Variants in TANK observed in about 807,000 individuals in gnomAD.
The protein encoded by TANK is TRAF family member associated NFKB activator.
TANK carries 15 observed loss-of-function variants against 43.6 expected under a neutral mutation model. The observed-to-expected ratio is 0.34, with a 90% CI of 0.23 to 0.53. The LOEUF (loss-of-function observed/expected upper bound fraction) is 0.53. TANK is among the 20% of genes least tolerant of loss of function. The pLI is 0.94. For missense variants in TANK, 417 were observed against 498.6 expected, an observed-to-expected ratio of 0.84 and a Z score of 1.56; for synonymous variants, 162 against 178.2, an observed-to-expected ratio of 0.91 and a Z score of 0.73.
At chr2:161,207,731 G>A (rs1038720206) in intron 4 of TANK, 2 of 985,084 alleles carry the variant, frequency 2.0e-6, no homozygotes, top group Admixed American at 6.2e-5. Context: ...GCTAATACAG[G>A]TGAAACCTTT....
Position 161,235,331 on chromosome 2 carries a change from G to A in TANK, c.1102-11G>A. 2 of 1,574,584 alleles carry A rather than the reference G, an allele frequency of 1.3e-6. No individual in the cohort carries two copies. Among genetic ancestry groups the A allele is most frequent in the Non-Finnish European group, 1.7e-6 (2 of 1,162,518 alleles). ...ACATAAGTAACAGATATTTTTGTTT[G>A]TTTCCTGCAGCCCATTTGGAAGCCC... On this transcript the variant is annotated splice_polypyrimidine_tract_variant and intron_variant, in intron 7 of 7. Coordinates refer to ENST00000392749, the MANE Select transcript of TANK (RefSeq NM_001199135.3).
chr2:161,202,187 T>C (rs934920049), intron 2 of TANK, among the ~76,000 whole-genome samples: 10 of 139,584 alleles, frequency 7.2e-5, no homozygotes, highest in African/African-American at 1.9e-4. Flanking sequence ...AATTTCTTTT[T>C]TTTTTTTTTT....
At chr2:161,152,964 T>A (rs963835142) in intron 1 of TANK, among the ~76,000 whole-genome samples, 1 of 152,106 alleles carries the variant, frequency 6.6e-6, no homozygotes, top group Non-Finnish European at 1.5e-5. Context: ...AATTGGGAAG[T>A]TTTCAGCCAT....
intron 1 of TANK, among the ~76,000 whole-genome samples, chr2:161,170,751 G>A (rs1414733349): frequency 6.6e-6 from 1 of 152,166 alleles, no homozygotes; most frequent in East Asian, 1.9e-4. Flanking sequence ...CCAAGATTCT[G>A]AATTGGGAGA....
At chr2:161,153,460 G>A (rs891387232) in intron 1 of TANK, among the ~76,000 whole-genome samples, 3 of 152,030 alleles carry the variant, frequency 2.0e-5, no homozygotes, top group Non-Finnish European at 4.4e-5. Context: ...AGCAGAGGCA[G>A]ATGGATCTCT....
At chr2:161,141,293 C>A (rs957982630) in intron 1 of TANK, among the ~76,000 whole-genome samples, 18 of 152,256 alleles carry the variant, frequency 1.2e-4, no homozygotes, top group Admixed American at 1.1e-3. Flanking sequence ...CTGAATGTTT[C>A]ATATAAGTGA....
intron 2 of TANK, chr2:161,201,431 A>C: frequency 3.6e-6 from 1 of 276,010 alleles, no homozygotes; most frequent in Non-Finnish European, 5.5e-6. Flanking sequence ...TAAGGTGGGA[A>C]AAAAAGACAT....
chr2:161,188,176 AAAG>A (rs1685750167), intron 2 of TANK, among the ~76,000 whole-genome samples: 1 of 152,152 alleles, frequency 6.6e-6, no homozygotes, highest in Admixed American at 6.5e-5. Context: ...AAACTAGCAT[AAAG>A]AAGAAAATAA....
intron 2 of TANK, among the ~76,000 whole-genome samples, chr2:161,184,267 C>T (rs1429693237): frequency 6.6e-6 from 1 of 152,028 alleles, no homozygotes; most frequent in African/African-American, 2.4e-5. Context: ...GAACAGTCTT[C>T]CTGACAGTGG....
chr2:161,230,264 T>G (rs1184877962), intron 6 of TANK, among the ~76,000 whole-genome samples: 2 of 152,222 alleles, frequency 1.3e-5, no homozygotes, highest in Non-Finnish European at 1.5e-5. Flanking sequence ...CCTACAAAGC[T>G]GAATTTGTTG....
intron 4 of TANK, among the ~76,000 whole-genome samples, chr2:161,210,073 A>C (rs1686812746): frequency 6.6e-6 from 1 of 152,222 alleles, no homozygotes; most frequent in African/African-American, 2.4e-5. Flanking sequence ...TGTCAGTTAA[A>C]CAGTTTGCAG....
intron 1 of TANK, among the ~76,000 whole-genome samples, chr2:161,141,182 C>G (rs1269640174): frequency 1.3e-5 from 2 of 152,080 alleles, no homozygotes; most frequent in Non-Finnish European, 2.9e-5. Context: ...TTTACCACCT[C>G]AAAAGGAAAC....
Position 161,142,077 on chromosome 2 carries a change from C to T in TANK, c.-50+5014C>T, listed in dbSNP as rs952073764. Among the ~76,000 whole-genome samples, 4 of 152,276 alleles carry T rather than the reference C, an allele frequency of 2.6e-5. No individual in the cohort carries two copies. The East Asian group carries it at 5.8e-4, about 22-fold the overall frequency. ...GTTTGATTTGCATTTCTCTAATGAT[C>T]AATGATGTTGAGCTTTTTTCCATAT... On this transcript the variant is annotated intron_variant, in intron 1 of 7. Transcript: ENST00000259075.
Position 161,231,495 on chromosome 2 carries a change from G to T in TANK, c.1045G>T (p.Asp349Tyr). The T allele has an allele frequency of 1.2e-6, 2 of 1,613,660 alleles. No homozygotes were observed. The highest frequency in any genetic ancestry group is 1.7e-6 in the Non-Finnish European group (2 of 1,180,010). The change falls in exon 7 of 8, where the codon GAT becomes TAT. Residue 349 changes from aspartate (D) to tyrosine (Y), a missense_variant. Asp to Tyr is a radical substitution (Grantham distance 160). Coordinates refer to ENST00000392749, the MANE Select transcript of TANK (RefSeq NM_001199135.3). ...TAGCTTCCCACTTCTGGACCCATCT[G>T]ATGCACCTTTTCCCTCACTCGATTC... ...VNSFPLLDPS[D>Y]APFPSLDSPG...
At chr2:161,162,546 TC>T (rs34637221) in intron 1 of TANK, 1 of 152,130 alleles carries the variant, frequency 6.6e-6, no homozygotes, top group Non-Finnish European at 1.5e-5. Flanking sequence ...ATTGCTGGCT[TC>T]CCCAGAATAG....
At chr2:161,194,750 G>A (rs780561036) in intron 2 of TANK, among the ~76,000 whole-genome samples, 1 of 151,992 alleles carries the variant, frequency 6.6e-6, no homozygotes, top group Non-Finnish European at 1.5e-5. Flanking sequence ...GATTGCAAAC[G>A]GCATAAAATA....
chr2:161,223,016 T>A (rs368470749), intron 4 of TANK: 3 of 152,018 alleles, frequency 2.0e-5, no homozygotes, highest in African/African-American at 7.2e-5. Context: ...TAAGACACAA[T>A]GAAGTAAAAT....
chr2:161,202,323 G>A (rs1344129020), intron 2 of TANK, among the ~76,000 whole-genome samples: 10 of 151,046 alleles, frequency 6.6e-5, no homozygotes. Flanking sequence ...CCAAGTAGCT[G>A]GGACTACAGG....
At chr2:161,221,470 A>G (rs577934421) in intron 4 of TANK, among the ~76,000 whole-genome samples, 1 of 152,300 alleles carries the variant, frequency 6.6e-6, no homozygotes, top group South Asian at 2.1e-4. Flanking sequence ...AAGATAATGC[A>G]TTGACAAAAA....
Sources: gnomAD v4.1 joint callset for allele counts (sites outside exome capture counted in the v4.1 genomes callset) on GRCh38, gnomAD v4.1.1 for gene constraint, MANE v1.5 for transcripts, NCBI Gene and HGNC (gene_info 2026-07-23, HGNC 2026-07-21) for gene names.